Variants in EPS15 observed in about 807,000 individuals in gnomAD.
The protein encoded by EPS15 is epidermal growth factor receptor substrate 15.
EPS15 carries 72 observed loss-of-function variants against 113.8 expected under a neutral mutation model. That is an observed-to-expected ratio of 0.63 (90% CI 0.52 to 0.77). The LOEUF is 0.77. Among genes scored for constraint, EPS15 ranks in the 30% least tolerant of loss-of-function variants. EPS15 has a pLI of 0.00. For synonymous variants in EPS15, 344 were observed against 363.4 expected (o/e 0.95, Z 0.61); for missense variants, 1,048 against 1,045.8 (o/e 1.00, Z -0.03).
Position 51,399,153 on chromosome 1 carries a change from C to A in EPS15, c.1931G>T (p.Gly644Val), listed in dbSNP as rs1648260413. 6.2e-7 allele frequency: 1 copy of A among 1,611,790 alleles called. No homozygotes were observed. The highest frequency in any genetic ancestry group is 8.5e-7 in the Non-Finnish European group (1 of 1,179,426). The change falls in exon 20 of 25, where the codon GGT becomes GTT. Residue 644 changes from glycine to valine, a missense_variant. Coordinates refer to ENST00000371733, the MANE Select transcript of EPS15 (RefSeq NM_001981.3). ...DPFGKIDPFG[G>V]DPFKGSDPFA... ...TGGATCTGAACCTTTGAAAGGATCA[C>A]CACCAAATGGATCTAAAAAAATAAG... is the stretch of plus-strand genomic sequence containing the variant.
At chr1:51,440,277 CTGTGTGTGTGTGTGTGTG>C (rs3040220) in intron 12 of EPS15, 52 bp downstream of exon 12, 29 of 444,660 alleles carry the variant, frequency 6.5e-5, no homozygotes, top group Middle Eastern at 5.1e-4. Flanking sequence ...TATACATGTA[CTGTGTGTGTGTGTGTGTG>C]TGTGTGTGTG....
rs527889361 is a variant in EPS15 at position 51,486,188 on chromosome 1, C to T, written c.34-4874G>A. ...ATCTCAACACTTTGGGAGGCCAAGG[C>T]GGGTGGATCACCTGAGGTCAGGAGT... On this transcript the variant is annotated intron_variant, in intron 1 of 24. Coordinates refer to ENST00000371733, the MANE Select transcript of EPS15 (RefSeq NM_001981.3). Among the ~76,000 whole-genome samples the T allele has an allele frequency of 6.0e-5, 9 of 149,954 alleles. No homozygotes were observed. The South Asian group carries it at 1.5e-3, about 25-fold the overall frequency.
At chr1:51,468,716 T>G in intron 4 of EPS15, 148 bp from the exon 5 acceptor site, 4 of 610,360 alleles carry the variant, frequency 6.6e-6, no homozygotes, top group Non-Finnish European at 1.2e-5. Context: ...GCTTCAAAAA[T>G]ATCTTGCAGA....
At chr1:51,404,725 G>A (rs897093109) in intron 16 of EPS15, among the ~76,000 whole-genome samples, 2 of 152,040 alleles carry the variant, frequency 1.3e-5, no homozygotes, top group African/African-American at 4.8e-5. Context: ...CTCATCTTCT[G>A]GCACTTTCTG....
At chr1:51,374,100 GA>G (rs1293119368) in intron 21 of EPS15, among the ~76,000 whole-genome samples, 1 of 152,150 alleles carries the variant, frequency 6.6e-6, no homozygotes, top group African/African-American at 2.4e-5. Flanking sequence ...CTGTAAAAAG[GA>G]AAACCTACTG....
chr1:51,471,705 A>G lies in EPS15; in HGVS notation c.198T>C (p.Gly66=), dbSNP rs34118328. The G allele has an allele frequency of 8.3e-5, 134 of 1,611,116 alleles. No individual in the cohort carries two copies. In the African/African-American group the frequency reaches 1.7e-3, roughly 20 times the overall value. Residue 66 remains glycine (G), a synonymous_variant, in exon 4 of 25, where the codon GGT becomes GGC. Transcript: ENST00000371733. ...IWDLADTDGK[G]ILNKQEFFVA... ...TGAAACTTACTTGTTTGTTCAGGAT[A>G]CCTTTGCCATCTGTGTCGGCTAAAT... is the stretch of plus-strand genomic sequence containing the variant.
intron 13 of EPS15, among the ~76,000 whole-genome samples, chr1:51,414,714 T>C (rs1650052357): frequency 6.6e-6 from 1 of 152,162 alleles, no homozygotes; most frequent in Non-Finnish European, 1.5e-5. Context: ...TAAAGCCAGA[T>C]GTAATTTTGA....
At chr1:51,485,813 T>A (rs1644110264) in intron 1 of EPS15, among the ~76,000 whole-genome samples, 2 of 152,174 alleles carry the variant, frequency 1.3e-5, no homozygotes, top group South Asian at 4.1e-4. Flanking sequence ...GGGTCTTTTT[T>A]TTGAGATGGA....
chr1:51,499,480 G>A (rs758358770), intron 1 of EPS15, among the ~76,000 whole-genome samples: 33 of 152,056 alleles, frequency 2.2e-4, no homozygotes, highest in Non-Finnish European at 4.6e-4. Context: ...ATTCTTCTGA[G>A]TAGACAGCTG....
intron 13 of EPS15, among the ~76,000 whole-genome samples, chr1:51,416,198 C>T (rs1270241097): frequency 2.0e-5 from 3 of 152,232 alleles, no homozygotes; most frequent in East Asian, 1.9e-4. Context: ...CTTTCCTAAA[C>T]GTGGCCCTTG....
chr1:51,361,961 C>T (rs767994985), intron 23 of EPS15, among the ~76,000 whole-genome samples: 1 of 152,282 alleles, frequency 6.6e-6, no homozygotes, highest in Admixed American at 6.5e-5. Flanking sequence ...TAAATCTTTG[C>T]GGTTGCTGAT....
intron 13 of EPS15, among the ~76,000 whole-genome samples, chr1:51,417,783 A>C (rs1244799894): frequency 1.3e-5 from 2 of 152,244 alleles, no homozygotes; most frequent in Admixed American, 6.5e-5. Flanking sequence ...AACAAAAGTT[A>C]TAAAAGTGGG....
intron 13 of EPS15, among the ~76,000 whole-genome samples, chr1:51,413,459 G>C (rs1649929178): frequency 6.6e-6 from 1 of 152,136 alleles, no homozygotes; most frequent in African/African-American, 2.4e-5. Context: ...AACTATCATA[G>C]GATTTTAGTA....
At chr1:51,499,902 C>T (rs902010730) in intron 1 of EPS15, among the ~76,000 whole-genome samples, 8 of 152,190 alleles carry the variant, frequency 5.3e-5, no homozygotes, top group African/African-American at 1.7e-4. Context: ...TCCATTTCCA[C>T]AACTTTTTCA....
chr1:51,437,392 AAAAGTATTAT>A lies in EPS15; in HGVS notation c.1040+2945_1040+2954del, dbSNP rs938671937. Reference sequence around the variant, plus strand: ...TATGTATTATAACTATCATTAAGAAAAAAGTATTATAAAGTACTACATTCATTATACAGTA... The same window carrying A: ...TATGTATTATAACTATCATTAAGAAAAAAGTACTACATTCATTATACAGTA... On this transcript the variant is annotated intron_variant, in intron 12 of 24. Coordinates refer to ENST00000371733, the MANE Select transcript of EPS15 (RefSeq NM_001981.3). Among the ~76,000 whole-genome samples, 128 of 152,274 alleles carry A rather than the reference AAAAGTATTAT, an allele frequency of 8.4e-4. 1 individual carries two copies. The highest frequency in any genetic ancestry group is 3.1e-3 in the African/African-American group (127 of 41,552).
At chr1:51,392,347 T>C (rs896154220) in intron 21 of EPS15, among the ~76,000 whole-genome samples, 7 of 152,208 alleles carry the variant, frequency 4.6e-5, no homozygotes, top group African/African-American at 7.2e-5. Flanking sequence ...GATTAGCATG[T>C]TGACTGCTGG....
rs1557761308 is a variant in EPS15 at position 51,357,394 on chromosome 1, AT to A, written c.2545-549del. 7.9e-3 allele frequency among the ~76,000 whole-genome samples: 487 copies of A among 61,630 alleles called. 5 individuals are homozygous for A. Among genetic ancestry groups the A allele is most frequent in the East Asian group, 0.014 (29 of 2,054 alleles). 40.4% of individuals were successfully genotyped at this position (61,630 alleles called of 152,430 possible). On this transcript the variant is annotated intron_variant, in intron 24 of 24. Coordinates refer to ENST00000371733, the MANE Select transcript of EPS15 (RefSeq NM_001981.3). The stretch of plus-strand genomic sequence containing the variant: ...TCCATCTGAAAAAAAAAAAAAAAAT[AT>A]ATATATATATATATATATATATATA...
intron 21 of EPS15, among the ~76,000 whole-genome samples, chr1:51,378,156 CA>C (rs1321317037): frequency 3.9e-5 from 6 of 151,992 alleles, no homozygotes; most frequent in Non-Finnish European, 8.8e-5. Context: ...CCCGGCCTCC[CA>C]AAGTGCTGGG....
At chr1:51,419,410 A>C (rs1268822581) in intron 13 of EPS15, among the ~76,000 whole-genome samples, 2 of 152,166 alleles carry the variant, frequency 1.3e-5, no homozygotes, top group African/African-American at 4.8e-5. Flanking sequence ...AAAACAAAAA[A>C]AAAATTAAAG....
Sources: gnomAD v4.1 joint callset for allele counts (sites outside exome capture counted in the v4.1 genomes callset) on GRCh38, gnomAD v4.1.1 for gene constraint, MANE v1.5 for transcripts, NCBI Gene and HGNC (gene_info 2026-07-23, HGNC 2026-07-21) for gene names.